The following NRG2 variants were observed in gnomAD, a reference collection of about 807,000 sequenced individuals.
NRG2 encodes the protein neuregulin 2, also known as pro-neuregulin-2, membrane-bound isoform.
NRG2 carries 27 observed loss-of-function variants against 73.9 expected under a neutral mutation model. That is an observed-to-expected ratio of 0.37 (90% CI 0.27 to 0.50). NRG2 has a LOEUF of 0.50. Ranked by LOEUF, NRG2 falls within the 20% of genes least tolerant of loss-of-function variation. The pLI is 0.96. For synonymous variants in NRG2, 532 were observed against 541.0 expected (o/e 0.98, Z 0.23); for missense variants, 1,126 against 1,210.1 (o/e 0.93, Z 1.03).
chr5:139,852,191 C>T lies in NRG2; in HGVS notation c.1544+241G>A, dbSNP rs1306749214. Among the ~76,000 whole-genome samples, 6 of 152,182 alleles carry T rather than the reference C, an allele frequency of 3.9e-5. No homozygotes were observed. Among genetic ancestry groups the T allele is most frequent in the African/African-American group, 1.4e-4 (6 of 41,442 alleles). On this transcript the variant is annotated intron_variant, in intron 8 of 9. Coordinates refer to ENST00000361474, the MANE Select transcript of NRG2 (RefSeq NM_004883.3). The surrounding 1 kb of genome is among the most constrained non-coding windows in gnomAD (Gnocchi z 4.4). ...AGGGGCCAGTATGTGAGGGCCCTGA[C>T]TATTTCCTGGTGCTCCCGAGGGAAG...
At chr5:139,911,525 C>T (rs1211654071) in intron 1 of NRG2, among the ~76,000 whole-genome samples, 6 of 152,342 alleles carry the variant, frequency 3.9e-5, no homozygotes, top group Admixed American at 1.3e-4. Flanking sequence ...TTGCAAGCCC[C>T]TCTGTTAGGC....
intron 1 of NRG2, among the ~76,000 whole-genome samples, chr5:139,980,788 C>T (rs184673488): frequency 1.3e-5 from 2 of 152,198 alleles, no homozygotes; most frequent in African/African-American, 4.8e-5. Flanking sequence ...CTTCTTCCTA[C>T]CACTAATTCT....
intron 1 of NRG2, among the ~76,000 whole-genome samples, chr5:139,931,018 A>C (rs1752431789): frequency 1.3e-5 from 2 of 152,218 alleles, no homozygotes; most frequent in South Asian, 4.1e-4. Context: ...CTGAGTTTGA[A>C]TGCTCGCCTA....
chr5:139,848,136 G>A lies in NRG2; in HGVS notation c.2334C>T (p.Asp778=). 3 of 1,467,356 alleles carry A rather than the reference G, an allele frequency of 2.0e-6. No homozygotes were observed. The highest frequency in any genetic ancestry group is 2.9e-5 in the African/African-American group (2 of 68,042). The allele number at this position is 1,467,356 out of a possible 1,614,324, so 90.9% of individuals were successfully genotyped here. A position where few individuals can be genotyped will look rare whatever the true frequency, so the allele number is the denominator to read the frequency against. The stretch of plus-strand genomic sequence containing the variant: ...CCCCGTCCGCGTCGTCCGCGTCGTC[G>A]TCCGACGCCGAGGCTGAGCCGCCGC... ...GSGGGSASAS[D]DDADDADGAL... The change falls in exon 10 of 10, where the codon GAC becomes GAT. Residue 778 remains aspartate (D), a synonymous_variant. Transcript: ENST00000361474.
At chr5:139,939,057 G>A (rs1322839350) in intron 1 of NRG2, among the ~76,000 whole-genome samples, 1 of 150,916 alleles carries the variant, frequency 6.6e-6, no homozygotes, top group Admixed American at 6.6e-5. Context: ...GGAAAGGAAG[G>A]AAGGAAGGGA....
chr5:139,930,476 G>A (rs1043246153), intron 1 of NRG2, among the ~76,000 whole-genome samples: 11 of 152,204 alleles, frequency 7.2e-5, no homozygotes, highest in Admixed American at 2.6e-4. Flanking sequence ...ACTCCTCCAC[G>A]CCTCAGAGAC....
At chr5:139,935,659 T>A (rs1318264150) in intron 1 of NRG2, among the ~76,000 whole-genome samples, 2 of 152,082 alleles carry the variant, frequency 1.3e-5, no homozygotes, top group African/African-American at 4.8e-5. Context: ...GAATATATTT[T>A]GAATCAAATG....
chr5:139,995,271 A>C (rs1561738526), intron 1 of NRG2, among the ~76,000 whole-genome samples: 1 of 152,290 alleles, frequency 6.6e-6, no homozygotes, highest in East Asian at 1.9e-4. Context: ...CAAGAAGATG[A>C]ATTCTATCAC....
chr5:139,855,316 C>T (rs578147800), intron 6 of NRG2, among the ~76,000 whole-genome samples: 8 of 152,352 alleles, frequency 5.3e-5, no homozygotes, highest in Non-Finnish European at 8.8e-5. Context: ...CAGGTCCTCA[C>T]AGTGTCCTTT....
At chr5:139,867,304 G>A (rs1346926614) in intron 4 of NRG2, among the ~76,000 whole-genome samples, 2 of 152,162 alleles carry the variant, frequency 1.3e-5, no homozygotes, top group African/African-American at 4.8e-5. Context: ...GTCCTGTAGT[G>A]GTAGGAGTGT....
At chr5:139,963,816 C>A in intron 1 of NRG2, among the ~76,000 whole-genome samples, 1 of 152,142 alleles carries the variant, frequency 6.6e-6, no homozygotes, top group East Asian at 1.9e-4. Context: ...CTGTCTAACC[C>A]CAAGCCCCAC....
At chr5:139,917,881 T>G (rs1009805101) in intron 1 of NRG2, among the ~76,000 whole-genome samples, 3 of 152,230 alleles carry the variant, frequency 2.0e-5, no homozygotes, top group Non-Finnish European at 4.4e-5. Context: ...AAATGCAACA[T>G]TTTTTAAAAT....
intron 1 of NRG2, among the ~76,000 whole-genome samples, chr5:139,928,908 T>C (rs1423490534): frequency 6.6e-6 from 1 of 152,176 alleles, no homozygotes; most frequent in African/African-American, 2.4e-5. Context: ...CCAATGTTCG[T>C]CTAACACATT....
intron 1 of NRG2, among the ~76,000 whole-genome samples, chr5:140,031,351 T>A (rs1761135230): frequency 6.6e-6 from 1 of 152,150 alleles, no homozygotes; most frequent in Non-Finnish European, 1.5e-5. Context: ...CAACCAACAG[T>A]AAGCAGTCTG....
intron 1 of NRG2, among the ~76,000 whole-genome samples, chr5:139,921,561 A>G (rs552921756): frequency 1.3e-5 from 2 of 152,226 alleles, no homozygotes; most frequent in African/African-American, 4.8e-5. Context: ...CTGTAAAAAA[A>G]AAAAGAATCT....
intron 2 of NRG2, 82 bp from the exon 3 acceptor site, chr5:139,881,056 C>A (rs1213623823): frequency 2.1e-5 from 24 of 1,148,618 alleles, no homozygotes; most frequent in Non-Finnish European, 2.9e-5. Flanking sequence ...GCGGTTGCCT[C>A]TCTCCACAGA....
chr5:140,026,623 G>T (rs946058867), intron 1 of NRG2, among the ~76,000 whole-genome samples: 1 of 151,866 alleles, frequency 6.6e-6, no homozygotes, highest in Non-Finnish European at 1.5e-5. Flanking sequence ...AGAAAAAAAA[G>T]AAAAGAAAAG....
intron 1 of NRG2, among the ~76,000 whole-genome samples, chr5:139,896,103 C>G (rs1764526860): frequency 6.6e-6 from 1 of 151,924 alleles, no homozygotes; most frequent in South Asian, 2.1e-4. Flanking sequence ...GGGGGAGGCA[C>G]CCTGTACATG....
intron 1 of NRG2, among the ~76,000 whole-genome samples, chr5:139,952,177 T>C (rs1316679464): frequency 6.6e-6 from 1 of 152,250 alleles, no homozygotes; most frequent in Non-Finnish European, 1.5e-5. Context: ...TGACACATAG[T>C]TGGCACCCAA....
Sources: gnomAD v4.1 joint callset for allele counts (sites outside exome capture counted in the v4.1 genomes callset) on GRCh38, gnomAD v4.1.1 for gene constraint, Gnocchi (gnomAD v3.1) non-coding constraint, MANE v1.5 for transcripts, NCBI Gene and HGNC (gene_info 2026-07-23, HGNC 2026-07-21) for gene names.